HPSE2: variants seen among roughly 807,000 people sequenced by gnomAD.
The protein encoded by HPSE2 is inactive heparanase-2.
Under a neutral mutation model 60.5 loss-of-function variants are expected in HPSE2, and 38 were observed. That is an observed-to-expected ratio of 0.63 (90% CI 0.48 to 0.82). The LOEUF (loss-of-function observed/expected upper bound fraction) is 0.82. Ranked by LOEUF, HPSE2 falls within the 40% of genes least tolerant of loss-of-function variation. HPSE2 has a pLI of 0.00. For missense variants in HPSE2, 713 were observed against 740.4 expected, an observed-to-expected ratio of 0.96 and a Z score of 0.43; for synonymous variants, 295 against 293.2, an observed-to-expected ratio of 1.01 and a Z score of -0.06.
intron 3 of HPSE2, among the ~76,000 whole-genome samples, chr10:98,929,946 A>C (rs1954595941): frequency 6.9e-6 from 1 of 144,086 alleles, no homozygotes. Flanking sequence ...TTTATTGGCT[A>C]TTGGCCTCTA....
At chr10:98,699,012 CAA>C (rs752627557) in intron 5 of HPSE2, among the ~76,000 whole-genome samples, 3 of 145,362 alleles carry the variant, frequency 2.1e-5, no homozygotes, top group Non-Finnish European at 1.5e-5. Flanking sequence ...GCTTACCAAA[CAA>C]AAAGAGTCCA....
chr10:98,860,100 G>A (rs1952419069), intron 3 of HPSE2, among the ~76,000 whole-genome samples: 1 of 152,092 alleles, frequency 6.6e-6, no homozygotes, highest in African/African-American at 2.4e-5. Context: ...GCATCCTTTG[G>A]GGGTCTTGGA....
At chr10:99,221,086 C>T (rs1032871610) in intron 2 of HPSE2, among the ~76,000 whole-genome samples, 2 of 151,870 alleles carry the variant, frequency 1.3e-5, no homozygotes, top group Admixed American at 1.3e-4. Flanking sequence ...CTCAGGTGAT[C>T]CGCCCGCCTC....
intron 3 of HPSE2, among the ~76,000 whole-genome samples, chr10:99,131,193 A>G (rs1236033570): frequency 6.6e-6 from 1 of 152,256 alleles, no homozygotes; most frequent in Non-Finnish European, 1.5e-5. Context: ...ACATACCTCA[A>G]TGTAATAAAA....
At chr10:98,688,556 A>T (rs1182799160) in intron 6 of HPSE2, among the ~76,000 whole-genome samples, 1 of 139,612 alleles carries the variant, frequency 7.2e-6, no homozygotes, top group Non-Finnish European at 1.5e-5. Context: ...GCTAACTGCA[A>T]CCTCCGCCTC....
intron 3 of HPSE2, among the ~76,000 whole-genome samples, chr10:98,916,744 T>C (rs1394351891): frequency 6.6e-6 from 1 of 152,244 alleles, no homozygotes; most frequent in Non-Finnish European, 1.5e-5. Context: ...TTTGGGTGTT[T>C]ATATTCTGGA....
chr10:98,713,410 A>G (rs1169626525), intron 5 of HPSE2, among the ~76,000 whole-genome samples: 1 of 151,970 alleles, frequency 6.6e-6, no homozygotes, highest in Non-Finnish European at 1.5e-5. Flanking sequence ...TACTGAGGCA[A>G]TCCAGGTTCT....
At chr10:98,974,523 G>A (rs1589448348) in intron 3 of HPSE2, among the ~76,000 whole-genome samples, 1 of 151,980 alleles carries the variant, frequency 6.6e-6, no homozygotes, top group South Asian at 2.1e-4. Context: ...GCCTTGGCCT[G>A]CCAAAGTGCT....
intron 2 of HPSE2, among the ~76,000 whole-genome samples, chr10:99,181,744 G>C (rs1847787191): frequency 6.6e-6 from 1 of 152,202 alleles, no homozygotes; most frequent in South Asian, 2.1e-4. Context: ...GGGGAGCTAG[G>C]AGAGGTATAG....
At chr10:99,093,680 C>T (rs1431831877) in intron 3 of HPSE2, among the ~76,000 whole-genome samples, 1 of 152,162 alleles carries the variant, frequency 6.6e-6, no homozygotes, top group Non-Finnish European at 1.5e-5. Flanking sequence ...AGCATTGATA[C>T]ATTCATAAGG....
At chr10:98,745,119 G>A (rs1002256279) in intron 3 of HPSE2, among the ~76,000 whole-genome samples, 20 of 152,130 alleles carry the variant, frequency 1.3e-4, no homozygotes, top group African/African-American at 4.3e-4. Context: ...GGAGAATGGC[G>A]TGAACCTGGG....
chr10:98,577,159 A>C (rs1944663925), intron 9 of HPSE2, among the ~76,000 whole-genome samples: 1 of 152,040 alleles, frequency 6.6e-6, no homozygotes, highest in Non-Finnish European at 1.5e-5. Flanking sequence ...CGAGAATGGA[A>C]ACCATCCACA....
At chr10:98,675,250 T>C (rs1947606619) in intron 6 of HPSE2, among the ~76,000 whole-genome samples, 1 of 152,148 alleles carries the variant, frequency 6.6e-6, no homozygotes, top group South Asian at 2.1e-4. Context: ...TACATCTGTG[T>C]TCAGATCTCA....
chr10:98,670,605 A>C (rs1406093816), intron 6 of HPSE2, among the ~76,000 whole-genome samples: 1 of 152,246 alleles, frequency 6.6e-6, no homozygotes. Flanking sequence ...AAGTGGAATC[A>C]AAGACAGGCA....
intron 3 of HPSE2, among the ~76,000 whole-genome samples, chr10:98,889,364 C>CTT (rs71009714): frequency 2.8e-4 from 40 of 141,112 alleles, no homozygotes; most frequent in Middle Eastern, 3.5e-3. Context: ...TCTCTCTTTT[C>CTT]TTTTTTTTTT....
chr10:98,522,247 T>C (rs1200742930), intron 9 of HPSE2, among the ~76,000 whole-genome samples: 1 of 150,532 alleles, frequency 6.6e-6, no homozygotes, highest in Non-Finnish European at 1.5e-5. Context: ...AATAAACTCT[T>C]CAATATGCAA....
chr10:98,813,844 T>C (rs1239771336), intron 3 of HPSE2, among the ~76,000 whole-genome samples: 2 of 152,200 alleles, frequency 1.3e-5, no homozygotes, highest in Non-Finnish European at 2.9e-5. Flanking sequence ...AATGTTAAGA[T>C]AGCCAAATTT....
intron 3 of HPSE2, among the ~76,000 whole-genome samples, chr10:98,855,577 C>T (rs1357164437): frequency 6.6e-6 from 1 of 152,114 alleles, no homozygotes; most frequent in East Asian, 1.9e-4. Context: ...GAAAAGGAAA[C>T]AGAAAATACC....
At chr10:98,717,518 G>A (rs1200072189) in intron 5 of HPSE2, among the ~76,000 whole-genome samples, 3 of 152,042 alleles carry the variant, frequency 2.0e-5, no homozygotes, top group African/African-American at 7.2e-5. Flanking sequence ...TGAGCACTCA[G>A]AGGCCATTGT....
Sources: allele counts gnomAD v4.1 joint callset (sites outside exome capture counted in the v4.1 genomes callset), GRCh38; gene constraint gnomAD v4.1.1; transcripts MANE v1.5; gene names NCBI Gene and HGNC (gene_info 2026-07-23, HGNC 2026-07-21).